The following NRXN1 variants were observed in gnomAD, a reference collection of about 807,000 sequenced individuals.
The protein encoded by NRXN1 is neurexin 1.
NRXN1 carries 39 observed loss-of-function variants against 150.9 expected under a neutral mutation model. The observed-to-expected ratio is 0.26, with a 90% CI of 0.20 to 0.34. The LOEUF (loss-of-function observed/expected upper bound fraction) is 0.34. Among genes scored for constraint, NRXN1 ranks in the 10% least tolerant of loss-of-function variants. The pLI is 1.00. For missense variants in NRXN1, 1,815 were observed against 1,949.9 expected, an observed-to-expected ratio of 0.93 and a Z score of 1.30; for synonymous variants, 924 against 757.0, an observed-to-expected ratio of 1.22 and a Z score of -3.62.
intron 17 of NRXN1, among the ~76,000 whole-genome samples, chr2:50,378,838 C>T (rs1272480317): frequency 6.6e-6 from 1 of 152,132 alleles, no homozygotes; most frequent in Non-Finnish European, 1.5e-5. Context: ...TGACCCTTAG[C>T]TAGACTAAGT....
chr2:50,931,121 G>A (rs1471033700), intron 2 of NRXN1, among the ~76,000 whole-genome samples: 1 of 152,074 alleles, frequency 6.6e-6, no homozygotes, highest in Non-Finnish European at 1.5e-5. Flanking sequence ...TGTGTTCTAG[G>A]TTTGCTATCA....
chr2:49,930,351 C>T (rs569622436), intron 22 of NRXN1, among the ~76,000 whole-genome samples: 9 of 152,168 alleles, frequency 5.9e-5, no homozygotes, highest in African/African-American at 1.4e-4. Flanking sequence ...GTACATATGA[C>T]GGACCAAGAG....
intron 22 of NRXN1, among the ~76,000 whole-genome samples, chr2:49,934,691 G>C (rs1670703236): frequency 6.6e-6 from 1 of 152,180 alleles, no homozygotes; most frequent in Non-Finnish European, 1.5e-5. Context: ...GTGGGTAGGT[G>C]TGCCTGGTAA....
intron 5 of NRXN1, among the ~76,000 whole-genome samples, chr2:50,712,859 A>G (rs1258900260): frequency 6.6e-6 from 1 of 152,072 alleles, no homozygotes; most frequent in Non-Finnish European, 1.5e-5. Context: ...CCTTGACATT[A>G]TTTTTCTCTG....
intron 2 of NRXN1, among the ~76,000 whole-genome samples, chr2:50,994,757 T>G (rs1699021176): frequency 1.3e-5 from 2 of 152,058 alleles, no homozygotes; most frequent in African/African-American, 4.8e-5. Flanking sequence ...TTAAAAAGCA[T>G]AAATTCAAAA....
At chr2:50,023,236 G>T (rs1022657576) in intron 21 of NRXN1, 1 of 152,210 alleles carries the variant, frequency 6.6e-6, no homozygotes, top group South Asian at 2.1e-4. Context: ...GTAAATCTAG[G>T]TGCTGCTCTT....
At chr2:50,786,419 G>C (rs1277513311) in intron 5 of NRXN1, among the ~76,000 whole-genome samples, 1 of 152,072 alleles carries the variant, frequency 6.6e-6, no homozygotes, top group Non-Finnish European at 1.5e-5. Flanking sequence ...AAGAATGAAG[G>C]AAACCACTGC....
chr2:50,516,225 A>T (rs1268462126), intron 12 of NRXN1, among the ~76,000 whole-genome samples: 1 of 152,178 alleles, frequency 6.6e-6, no homozygotes, highest in Non-Finnish European at 1.5e-5. Context: ...CATTGCAAAT[A>T]AAAATGTGGA....
chr2:50,689,535 T>C lies in NRXN1; in HGVS notation c.833-65920A>G, dbSNP rs9309189. Among the ~76,000 whole-genome samples, 71,676 of 151,996 alleles carry C rather than the reference T, an allele frequency of 0.47. 17,378 individuals are homozygous for C. Among genetic ancestry groups the C allele is most frequent in the East Asian group, 0.64 (3,282 of 5,150 alleles). On this transcript the variant is annotated intron_variant, in intron 5 of 22. Coordinates refer to ENST00000401669, the MANE Select transcript of NRXN1 (RefSeq NM_001330078.2). ...AAGTTACATTCTCTTTGAAGCTATC[T>C]GGATTTCCCAGATAGAAGTCTTTGG...
intron 8 of NRXN1, among the ~76,000 whole-genome samples, chr2:50,592,672 T>C (rs1221513487): frequency 6.6e-6 from 1 of 152,190 alleles, no homozygotes; most frequent in Non-Finnish European, 1.5e-5. Flanking sequence ...GGCTTAGACT[T>C]TGTTGATTTA....
At chr2:49,984,606 T>C (rs1680583749) in intron 21 of NRXN1, among the ~76,000 whole-genome samples, 1 of 152,010 alleles carries the variant, frequency 6.6e-6, no homozygotes, top group Admixed American at 6.6e-5. Flanking sequence ...AAGCACTGTA[T>C]TGGGCCATTT....
At chr2:50,084,181 C>T (rs1009589639) in intron 19 of NRXN1, among the ~76,000 whole-genome samples, 5 of 152,210 alleles carry the variant, frequency 3.3e-5, no homozygotes, top group Admixed American at 2.6e-4. Context: ...CTTCACCCAG[C>T]GTATCCCACA....
intron 2 of NRXN1, among the ~76,000 whole-genome samples, chr2:50,956,722 A>ATAT (rs1692340851): frequency 6.6e-6 from 1 of 151,562 alleles, no homozygotes; most frequent in Non-Finnish European, 1.5e-5. Context: ...CTCAAAAAAT[A>ATAT]TATAATAATA....
chr2:51,001,676 C>T (rs1160060902), intron 2 of NRXN1, among the ~76,000 whole-genome samples: 4 of 151,948 alleles, frequency 2.6e-5, no homozygotes, highest in African/African-American at 9.7e-5. Context: ...ACAATTCACG[C>T]TATTTTAAAA....
intron 8 of NRXN1, among the ~76,000 whole-genome samples, chr2:50,575,750 T>C (rs1336864843): frequency 1.3e-5 from 2 of 152,180 alleles, no homozygotes; most frequent in African/African-American, 2.4e-5. Context: ...CAGTACACCA[T>C]GTCTGACTTG....
At chr2:50,459,996 AC>A (rs773741390) in intron 17 of NRXN1, among the ~76,000 whole-genome samples, 4 of 152,084 alleles carry the variant, frequency 2.6e-5, no homozygotes, top group Non-Finnish European at 4.4e-5. Flanking sequence ...TGGAAAAAAA[AC>A]ATTCAGATGA....
intron 5 of NRXN1, among the ~76,000 whole-genome samples, chr2:50,846,639 G>A (rs917400130): frequency 1.3e-5 from 2 of 152,050 alleles, no homozygotes; most frequent in Non-Finnish European, 2.9e-5. Flanking sequence ...TATTTTCTGG[G>A]AGCAGTTGTA....
At chr2:49,942,396 C>T (rs904707292) in intron 22 of NRXN1, among the ~76,000 whole-genome samples, 2 of 152,066 alleles carry the variant, frequency 1.3e-5, no homozygotes, top group African/African-American at 2.4e-5. Flanking sequence ...ATATTCAAAA[C>T]GAGATGCACG....
At chr2:50,084,884 A>G (rs980167744) in intron 19 of NRXN1, among the ~76,000 whole-genome samples, 1 of 152,366 alleles carries the variant, frequency 6.6e-6, no homozygotes, top group Non-Finnish European at 1.5e-5. Flanking sequence ...ACAATTTCTC[A>G]GAAGCTAAGC....
Sources: allele counts gnomAD v4.1 joint callset (sites outside exome capture counted in the v4.1 genomes callset), GRCh38; gene constraint gnomAD v4.1.1; transcripts MANE v1.5; gene names NCBI Gene and HGNC (gene_info 2026-07-23, HGNC 2026-07-21).